EXOC6: variants seen among roughly 807,000 people sequenced by gnomAD.
The protein encoded by EXOC6 is exocyst complex component 6.
EXOC6 carries 60 observed loss-of-function variants against 112.5 expected under a neutral mutation model. The ratio of observed to expected loss-of-function variants is 0.53; its 90% CI spans 0.43 to 0.66. The LOEUF is 0.66. Ranked by LOEUF, EXOC6 falls within the 30% of genes least tolerant of loss-of-function variation. The pLI is 0.00. For missense variants in EXOC6, 855 were observed against 957.1 expected (o/e 0.89, Z 1.41); for synonymous variants, 295 against 308.0 (o/e 0.96, Z 0.44).
chr10:92,843,976 CAAAAAAAAAAAAA>C (rs34641974), upstream of EXOC6, among the ~76,000 whole-genome samples: 18 of 37,916 alleles, frequency 4.7e-4, no homozygotes, highest in African/African-American at 2.2e-3. Flanking sequence ...GACTCTGTCT[CAAAAAAAAAAAAA>C]AAAAAAAAAA....
At chr10:93,018,259 TATTAA>T (rs1286229193) in intron 20 of EXOC6, among the ~76,000 whole-genome samples, 3 of 152,124 alleles carry the variant, frequency 2.0e-5, no homozygotes, top group Non-Finnish European at 4.4e-5. Context: ...AGATATTTGG[TATTAA>T]ATTATTTTTA....
chr10:93,007,219 C>T (rs1415410145), intron 19 of EXOC6, among the ~76,000 whole-genome samples: 1 of 152,080 alleles, frequency 6.6e-6, no homozygotes, highest in Non-Finnish European at 1.5e-5. Flanking sequence ...ATTTTCCTTC[C>T]CCCCTCGTAA....
intron 20 of EXOC6, among the ~76,000 whole-genome samples, chr10:93,049,667 C>G (rs892126233): frequency 6.6e-6 from 1 of 152,164 alleles, no homozygotes; most frequent in Non-Finnish European, 1.5e-5. Flanking sequence ...GCAGCCTCCA[C>G]CTTCTGGACT....
chr10:92,997,314 G>T (rs370326837), intron 18 of EXOC6, among the ~76,000 whole-genome samples, 160 bp from the exon 19 acceptor site: 1 of 152,092 alleles, frequency 6.6e-6, no homozygotes, highest in African/African-American at 2.4e-5. Flanking sequence ...TGATATAAAG[G>T]TATAACCACT....
At chr10:92,884,858 T>C (rs957500500) in intron 1 of EXOC6, among the ~76,000 whole-genome samples, 10 of 152,134 alleles carry the variant, frequency 6.6e-5, no homozygotes, top group Non-Finnish European at 1.0e-4. Flanking sequence ...ATGTTGGTTT[T>C]TCATCAGAAA....
intron 8 of EXOC6, among the ~76,000 whole-genome samples, chr10:92,926,423 A>G (rs1851724996): frequency 2.0e-5 from 3 of 151,986 alleles, no homozygotes; most frequent in African/African-American, 7.2e-5. Flanking sequence ...GACTTTCTAA[A>G]TGTTAAGGAA....
chr10:92,998,613 A>G (rs1043438865), intron 19 of EXOC6, among the ~76,000 whole-genome samples: 7 of 130,332 alleles, frequency 5.4e-5, no homozygotes, highest in South Asian at 2.8e-4. Context: ...GACAAGATCA[A>G]TTGTCTGTTG....
At chr10:92,882,544 C>A (rs1203614386) in intron 1 of EXOC6, among the ~76,000 whole-genome samples, 728 of 112,472 alleles carry the variant, frequency 6.5e-3, no homozygotes, top group Admixed American at 7.1e-3. Context: ...GGCTCTGTCT[C>A]AAAAAAAAAA....
At chr10:92,965,666 A>G (rs530378379) in intron 17 of EXOC6, among the ~76,000 whole-genome samples, 6 of 152,214 alleles carry the variant, frequency 3.9e-5, no homozygotes, top group Non-Finnish European at 8.8e-5. Flanking sequence ...ATGTCTTACC[A>G]AATAATTTAG....
intron 5 of EXOC6, 118 bp downstream of exon 5, chr10:92,899,762 C>A: frequency 1.5e-6 from 1 of 658,454 alleles, no homozygotes; most frequent in South Asian, 2.1e-5. Flanking sequence ...ATTACACTAA[C>A]CTTTGTACTT....
At chr10:92,990,324 A>G (rs971031916) in intron 18 of EXOC6, among the ~76,000 whole-genome samples, 3 of 152,214 alleles carry the variant, frequency 2.0e-5, no homozygotes, top group East Asian at 1.9e-4. Context: ...TTCATAAATT[A>G]TAAGTCTTAA....
At position 92,997,693 on chromosome 10, in the gene EXOC6, G is replaced by A. The variant is rs968954457; in HGVS notation, c.2095+78G>A. The A allele has an allele frequency of 6.8e-6, 9 of 1,325,530 alleles. No homozygotes were observed. The Admixed American group carries it at 2.2e-4, about 32-fold the overall frequency. 82.1% of individuals were successfully genotyped at this position (1,325,530 alleles called of 1,614,324 possible). A position where few individuals can be genotyped will look rare whatever the true frequency, so the allele number is the denominator to read the frequency against. On this transcript the variant is annotated intron_variant, in intron 19 of 21. Coordinates refer to ENST00000260762, the MANE Select transcript of EXOC6 (RefSeq NM_019053.6). ...TTATATGAAAAAATGTATTTAGCAG[G>A]ATAGTTCAGAAAGGAGGGAGAAGGC... is the stretch of plus-strand genomic sequence containing the variant.
intron 20 of EXOC6, among the ~76,000 whole-genome samples, chr10:93,055,065 A>C (rs1280327041): frequency 1.3e-5 from 2 of 151,936 alleles, no homozygotes; most frequent in African/African-American, 4.8e-5. Flanking sequence ...TGGACTCTTA[A>C]CTCCTGGGCT....
chr10:92,979,207 C>T (rs145214968), intron 18 of EXOC6, among the ~76,000 whole-genome samples: 1,625 of 152,306 alleles, frequency 0.011, 33 homozygotes, highest in African/African-American at 0.037. Context: ...GTCACCCAGG[C>T]TGGAGTGCAC....
intron 4 of EXOC6, among the ~76,000 whole-genome samples, chr10:92,898,217 G>A (rs1849931713): frequency 6.6e-6 from 1 of 151,258 alleles, no homozygotes; most frequent in African/African-American, 2.4e-5. Flanking sequence ...CCAGGAGTTT[G>A]AGAACAGCCT....
chr10:92,882,918 G>A (rs1439556139), intron 1 of EXOC6, among the ~76,000 whole-genome samples: 2 of 152,146 alleles, frequency 1.3e-5, no homozygotes, highest in Non-Finnish European at 2.9e-5. Flanking sequence ...GGTCACTCAG[G>A]TAGGAACAAA....
chr10:93,015,895 G>C (rs1367039784), intron 20 of EXOC6, among the ~76,000 whole-genome samples: 1 of 152,158 alleles, frequency 6.6e-6, no homozygotes, highest in Middle Eastern at 3.2e-3. Flanking sequence ...TCAGTGCTCA[G>C]ATATTACGTC....
At chr10:92,986,269 A>T (rs1026956467) in intron 18 of EXOC6, among the ~76,000 whole-genome samples, 2 of 152,236 alleles carry the variant, frequency 1.3e-5, no homozygotes, top group African/African-American at 2.4e-5. Flanking sequence ...ACTTTGAAAG[A>T]TTAAAGAATG....
chr10:92,943,010 A>G (rs1196008259), intron 13 of EXOC6, among the ~76,000 whole-genome samples: 1 of 151,676 alleles, frequency 6.6e-6, no homozygotes, highest in Non-Finnish European at 1.5e-5. Context: ...CTTCCAGATC[A>G]TGCTTTTTGC....
Sources: gnomAD v4.1 joint callset for allele counts (sites outside exome capture counted in the v4.1 genomes callset) on GRCh38, gnomAD v4.1.1 for gene constraint, MANE v1.5 for transcripts, NCBI Gene and HGNC (gene_info 2026-07-23, HGNC 2026-07-21) for gene names.